The following RBFOX1 variants were observed in gnomAD, a reference collection of about 807,000 sequenced individuals.
RBFOX1 encodes RNA binding protein fox-1 homolog 1.
A neutral mutation model predicts 57.7 loss-of-function variants in RBFOX1; 8 were observed. The observed-to-expected ratio is 0.14, with a 90% CI of 0.08 to 0.25. The LOEUF is 0.25. Among genes scored for constraint, RBFOX1 ranks in the 10% least tolerant of loss-of-function variants. RBFOX1 has a pLI of 1.00. For synonymous variants in RBFOX1, 326 were observed against 222.4 expected, an observed-to-expected ratio of 1.47 and a Z score of -4.15; for missense variants, 611 against 548.5, an observed-to-expected ratio of 1.11 and a Z score of -1.14.
chr16:6,039,363 A>C (rs2095411338), intron 1 of RBFOX1, among the ~76,000 whole-genome samples: 1 of 149,234 alleles, frequency 6.7e-6, no homozygotes, highest in Non-Finnish European at 1.5e-5. Context: ...AAAAAAAAAA[A>C]AACAGAACAA....
intron 3 of RBFOX1, among the ~76,000 whole-genome samples, chr16:6,746,257 C>G (rs961579478): frequency 5.3e-5 from 8 of 152,102 alleles, no homozygotes; most frequent in African/African-American, 9.6e-5. Flanking sequence ...TAAAAACTCC[C>G]AAACATATTC....
chr16:5,284,325 T>C lies in RBFOX1; in HGVS notation c.219+44220T>C, dbSNP rs529152492. On this transcript the variant is annotated intron_variant, in intron 1 of 2. Transcript: ENST00000585867. ...TCCTTTTTTCCCTCATTATTTATGG[T>C]TGCAGTTTGGTGGTTTTCTTTAGCG... is the stretch of plus-strand genomic sequence containing the variant. Among the ~76,000 whole-genome samples the C allele has an allele frequency of 2.6e-5, 4 of 152,272 alleles. No homozygotes were observed. The East Asian group carries it at 7.7e-4, about 29-fold the overall frequency.
In RBFOX1 at chr16:7,310,391, A is replaced by G. The variant is rs554131503; in HGVS notation, c.28-207756A>G. ...AGCCCTGATGGATTGATCCCGGCTA[A>G]AAAAGTGACAGAATTTGGAACCAGG... On this transcript the variant is annotated intron_variant, in intron 4 of 15. Transcript: ENST00000550418. Among the ~76,000 whole-genome samples the G allele has an allele frequency of 6.8e-4, 103 of 152,302 alleles. 1 individual carries two copies. In the East Asian group the frequency reaches 8.7e-3, roughly 13 times the overall value.
At chr16:6,683,929 G>C (rs2059048873) in intron 3 of RBFOX1, among the ~76,000 whole-genome samples, 1 of 152,186 alleles carries the variant, frequency 6.6e-6, no homozygotes, top group Non-Finnish European at 1.5e-5. Context: ...GTGAAAACAT[G>C]TGTCACGCAG....
At chr16:5,461,262 A>C (rs2068778610) in intron 1 of RBFOX1, among the ~76,000 whole-genome samples, 1 of 152,220 alleles carries the variant, frequency 6.6e-6, no homozygotes, top group South Asian at 2.1e-4. Context: ...TGCAGAGTTC[A>C]CTGGTTTATT....
At chr16:7,144,567 T>C (rs368808024) in intron 4 of RBFOX1, among the ~76,000 whole-genome samples, 2 of 151,874 alleles carry the variant, frequency 1.3e-5, no homozygotes, top group African/African-American at 4.8e-5. Flanking sequence ...TGGAATTACA[T>C]GCATGAGCTA....
intron 10 of RBFOX1, among the ~76,000 whole-genome samples, chr16:7,629,689 C>G (rs2060629750): frequency 6.6e-6 from 1 of 152,226 alleles, no homozygotes; most frequent in South Asian, 2.1e-4. Context: ...GGTGGTTGTT[C>G]AAAATCTGTC....
chr16:7,267,284 G>A (rs1394427794), intron 4 of RBFOX1, among the ~76,000 whole-genome samples: 1 of 151,524 alleles, frequency 6.6e-6, no homozygotes, highest in East Asian at 2.0e-4. Context: ...CCTGTAATGC[G>A]AGCACTTTCG....
At chr16:6,600,044 C>A (rs1053102583) in intron 2 of RBFOX1, among the ~76,000 whole-genome samples, 2 of 152,204 alleles carry the variant, frequency 1.3e-5, no homozygotes, top group Non-Finnish European at 2.9e-5. Context: ...CTGGGTGGCA[C>A]TGCTGGGACT....
At position 5,949,525 on chromosome 16, in the gene RBFOX1, C is replaced by CA. The variant is rs59221283; in HGVS notation, c.351+82210dup. Among the ~76,000 whole-genome samples the CA allele has an allele frequency of 8.4e-3, 268 of 31,872 alleles. 2 individuals carry two copies. Among genetic ancestry groups the CA allele is most frequent in the East Asian group, 0.034 (43 of 1,278 alleles). 20.9% of individuals were successfully genotyped at this position (31,872 alleles called of 152,430 possible). On this transcript the variant is annotated intron_variant, in intron 4 of 19. Transcript: ENST00000641259. ...TGGGTGGCAGTGCGAGAGTCCATCTCAAAAAAAAAAAAAAAAAAAAGAAAA... is the reference window on the plus strand; with the variant it reads ...TGGGTGGCAGTGCGAGAGTCCATCTCAAAAAAAAAAAAAAAAAAAAAGAAAA...
chr16:6,644,119 C>G (rs2098514375), intron 2 of RBFOX1, among the ~76,000 whole-genome samples: 1 of 152,138 alleles, frequency 6.6e-6, no homozygotes, highest in Admixed American at 6.5e-5. Flanking sequence ...GAGCGAGACT[C>G]CATCTCAATA....
intron 3 of RBFOX1, among the ~76,000 whole-genome samples, chr16:6,716,037 G>A (rs369567594): frequency 3.3e-5 from 5 of 152,144 alleles, no homozygotes; most frequent in African/African-American, 9.7e-5. Context: ...GCCACTTACG[G>A]TTTTGTGAGC....
intron 3 of RBFOX1, among the ~76,000 whole-genome samples, chr16:6,684,398 C>T (rs531686386): frequency 6.6e-6 from 1 of 152,210 alleles, no homozygotes; most frequent in African/African-American, 2.4e-5. Context: ...ATGTTTTCAT[C>T]TTTTCCCCCA....
chr16:6,738,379 C>T (rs538839886), intron 3 of RBFOX1, among the ~76,000 whole-genome samples: 11 of 152,144 alleles, frequency 7.2e-5, no homozygotes, highest in African/African-American at 2.7e-4. Flanking sequence ...GAGCAAGGCA[C>T]CTGTCATTCT....
chr16:5,700,305 G>A (rs919642075), intron 3 of RBFOX1, among the ~76,000 whole-genome samples: 1 of 150,916 alleles, frequency 6.6e-6, no homozygotes, highest in Non-Finnish European at 1.5e-5. Flanking sequence ...TTTTTTTTTG[G>A]CAAGGGTTAG....
chr16:6,205,579 C>T (rs568626285), intron 1 of RBFOX1, among the ~76,000 whole-genome samples: 1 of 152,224 alleles, frequency 6.6e-6, no homozygotes, highest in African/African-American at 2.4e-5. Flanking sequence ...AATTAAATAG[C>T]ACCAGGTACA....
chr16:7,287,605 C>G (rs1357091567), intron 4 of RBFOX1, among the ~76,000 whole-genome samples: 1 of 152,206 alleles, frequency 6.6e-6, no homozygotes, highest in East Asian at 1.9e-4. Flanking sequence ...TTTTATTTTT[C>G]CTTATAATGA....
intron 2 of RBFOX1, among the ~76,000 whole-genome samples, chr16:6,333,115 A>G (rs762599845): frequency 4.6e-5 from 7 of 152,068 alleles, no homozygotes; most frequent in Non-Finnish European, 8.8e-5. Context: ...TGTCCCCTCA[A>G]TGCAGCCTCT....
intron 4 of RBFOX1, among the ~76,000 whole-genome samples, chr16:7,144,422 T>TTTTTTTC (rs2074503697): frequency 7.3e-6 from 1 of 137,576 alleles, no homozygotes; most frequent in African/African-American, 2.7e-5. Flanking sequence ...TTCTTCTTTT[T>TTTTTTTC]TTTTTTTTTT....
Sources: allele counts gnomAD v4.1 joint callset (sites outside exome capture counted in the v4.1 genomes callset), GRCh38; gene constraint gnomAD v4.1.1; transcripts MANE v1.5; gene names NCBI Gene and HGNC (gene_info 2026-07-23, HGNC 2026-07-21).